PCDH15: variants seen among roughly 807,000 people sequenced by gnomAD.
The protein encoded by PCDH15 is protocadherin-15.
A neutral mutation model predicts 178.5 loss-of-function variants in PCDH15; 129 were observed. That is an observed-to-expected ratio of 0.72 (90% CI 0.63 to 0.84). PCDH15 has a LOEUF of 0.84. Ranked by LOEUF, PCDH15 falls within the 40% of genes least tolerant of loss-of-function variation. The probability of loss-of-function intolerance (pLI) is 0.00; values close to 1 mark genes in which losing one functional copy is unlikely to be tolerated. For missense variants in PCDH15, 2,230 were observed against 2,099.9 expected, an observed-to-expected ratio of 1.06 and a Z score of -1.21; for synonymous variants, 800 against 732.0, an observed-to-expected ratio of 1.09 and a Z score of -1.50.
intron 28 of PCDH15, among the ~76,000 whole-genome samples, chr10:53,851,260 ATC>A (rs1466951584): frequency 6.7e-6 from 1 of 149,892 alleles, no homozygotes; most frequent in Non-Finnish European, 1.5e-5. Context: ...ACTTGTATTT[ATC>A]TGTCTTTATT....
intron 1 of PCDH15, among the ~76,000 whole-genome samples, chr10:55,237,174 A>G (rs1297800108): frequency 6.6e-6 from 1 of 152,134 alleles, no homozygotes; most frequent in Non-Finnish European, 1.5e-5. Flanking sequence ...ACAATTTTTT[A>G]GATAGACTTT....
intron 2 of PCDH15, among the ~76,000 whole-genome samples, chr10:55,339,853 C>G (rs1471642542): frequency 6.6e-6 from 1 of 151,822 alleles, no homozygotes; most frequent in Non-Finnish European, 1.5e-5. Context: ...TATAATCTAA[C>G]TTTATTGTTT....
At chr10:55,230,521 G>A (rs1037482255) in intron 1 of PCDH15, among the ~76,000 whole-genome samples, 4 of 152,060 alleles carry the variant, frequency 2.6e-5, no homozygotes, top group Admixed American at 2.0e-4. Flanking sequence ...TGCACAGGGT[G>A]CCACACATGC....
At chr10:53,911,893 C>G (rs192114977) in intron 25 of PCDH15, among the ~76,000 whole-genome samples, 2,519 of 152,294 alleles carry the variant, frequency 0.017, 38 homozygotes, top group Middle Eastern at 0.027. Flanking sequence ...ACCATTCCTT[C>G]TGAAAATATT....
intron 3 of PCDH15, among the ~76,000 whole-genome samples, chr10:54,437,356 AG>A (rs2075491508): frequency 6.6e-6 from 1 of 152,092 alleles, no homozygotes. Flanking sequence ...CTGTAAGCTA[AG>A]ATTAATTTGT....
intron 2 of PCDH15, among the ~76,000 whole-genome samples, chr10:54,979,224 G>A (rs1839155027): frequency 6.6e-6 from 1 of 152,288 alleles, no homozygotes; most frequent in East Asian, 1.9e-4. Flanking sequence ...AATGCTATAT[G>A]AGGAATGGAT....
In PCDH15 at chr10:54,563,106, TAAA is replaced by T. The variant is rs938082590; in HGVS notation, c.92-35232_92-35230del. 5.9e-5 allele frequency among the ~76,000 whole-genome samples: 9 copies of T among 152,202 alleles called. No individual in the cohort carries two copies. The East Asian group carries it at 1.5e-3, about 26-fold the overall frequency. ...CAAAACTTATAAATGATAAAGGAAA[TAAA>T]AAAAGTGCTATCAAGGTGGATTTTT... On this transcript the variant is annotated intron_variant, in intron 2 of 37. Transcript: ENST00000644397.
At chr10:55,575,310 T>TA (rs1280455259) in intron 2 of PCDH15, among the ~76,000 whole-genome samples, 2 of 151,914 alleles carry the variant, frequency 1.3e-5, no homozygotes, top group Admixed American at 6.6e-5. Context: ...CAATCAGAGG[T>TA]AAAAAAAGAC....
At chr10:55,069,824 C>G (rs904013854) in intron 2 of PCDH15, among the ~76,000 whole-genome samples, 19 of 150,842 alleles carry the variant, frequency 1.3e-4, no homozygotes, top group Middle Eastern at 3.4e-3. Context: ...AATGGTATTT[C>G]TAGTTCTAGA....
At chr10:55,349,160 G>A (rs965234814) in intron 2 of PCDH15, among the ~76,000 whole-genome samples, 7 of 152,074 alleles carry the variant, frequency 4.6e-5, no homozygotes, top group Non-Finnish European at 8.8e-5. Context: ...TCATGGACCA[G>A]GAAGACAGTG....
chr10:55,298,860 G>A (rs1227062817), intron 1 of PCDH15, among the ~76,000 whole-genome samples: 1 of 152,144 alleles, frequency 6.6e-6, no homozygotes, highest in African/African-American at 2.4e-5. Flanking sequence ...TTACAGGCAT[G>A]AGCCACCGTG....
chr10:54,129,897 G>A (rs1291551702), intron 15 of PCDH15, among the ~76,000 whole-genome samples: 3 of 152,136 alleles, frequency 2.0e-5, no homozygotes, highest in Non-Finnish European at 4.4e-5. Flanking sequence ...CTATTTTATG[G>A]GATGAGACGG....
chr10:54,432,827 T>C (rs187265102), intron 3 of PCDH15, among the ~76,000 whole-genome samples: 9 of 152,030 alleles, frequency 5.9e-5, no homozygotes. Flanking sequence ...AAACTAACCA[T>C]CTGACAAAGT....
At chr10:54,211,271 T>C (rs893577199) in intron 10 of PCDH15, among the ~76,000 whole-genome samples, 2 of 152,226 alleles carry the variant, frequency 1.3e-5, no homozygotes, top group East Asian at 3.9e-4. Flanking sequence ...TATGAATAAT[T>C]ACACAAAGAC....
intron 2 of PCDH15, among the ~76,000 whole-genome samples, chr10:54,637,068 A>G (rs577961172): frequency 5.4e-4 from 82 of 150,610 alleles, no homozygotes; most frequent in Non-Finnish European, 1.0e-3. Context: ...CTGTATCACT[A>G]TATCTATTCC....
chr10:54,105,894 C>T (rs1475486422), intron 15 of PCDH15, among the ~76,000 whole-genome samples: 2 of 152,142 alleles, frequency 1.3e-5, no homozygotes, highest in Admixed American at 1.3e-4. Context: ...ATCCCCATGA[C>T]CGTCAGCTGA....
chr10:55,497,170 C>CAGTG (rs1840553153), intron 2 of PCDH15, among the ~76,000 whole-genome samples: 1 of 151,806 alleles, frequency 6.6e-6, no homozygotes, highest in Non-Finnish European at 1.5e-5. Flanking sequence ...TGCTTTGTCA[C>CAGTG]CCAGGCTGAA....
intron 2 of PCDH15, among the ~76,000 whole-genome samples, chr10:55,589,595 A>G (rs1402219173): frequency 2.0e-5 from 3 of 152,124 alleles, no homozygotes; most frequent in Admixed American, 6.6e-5. Flanking sequence ...AGAATCTACA[A>G]TGAACTCAAA....
chr10:54,344,232 T>G (rs1942811201), intron 6 of PCDH15, among the ~76,000 whole-genome samples: 1 of 152,234 alleles, frequency 6.6e-6, no homozygotes. Flanking sequence ...AAGAGCATTT[T>G]AGCTTGCTAA....
Sources: gnomAD v4.1 joint callset for allele counts (sites outside exome capture counted in the v4.1 genomes callset) on GRCh38, gnomAD v4.1.1 for gene constraint, MANE v1.5 for transcripts, NCBI Gene and HGNC (gene_info 2026-07-23, HGNC 2026-07-21) for gene names.